Variants in PNPT1 observed in about 807,000 individuals in gnomAD.
PNPT1 encodes polyribonucleotide nucleotidyltransferase 1, mitochondrial.
Under a neutral mutation model 119.5 loss-of-function variants are expected in PNPT1, and 53 were observed. The ratio of observed to expected loss-of-function variants is 0.44; its 90% CI spans 0.36 to 0.56. The LOEUF (loss-of-function observed/expected upper bound fraction) is 0.56, where lower values mean the gene tolerates loss of function less well. Among genes scored for constraint, PNPT1 ranks in the 20% least tolerant of loss-of-function variants. The pLI is 0.00. For missense variants in PNPT1, 948 were observed against 938.5 expected (o/e 1.01, Z -0.13); for synonymous variants, 357 against 322.1 (o/e 1.11, Z -1.16).
intron 13 of PNPT1, among the ~76,000 whole-genome samples, chr2:55,663,199 C>T (rs1696634534): frequency 6.6e-6 from 1 of 152,050 alleles, no homozygotes; most frequent in South Asian, 2.1e-4. Flanking sequence ...AGATTTTTAA[C>T]AGCTATTATA....
At chr2:55,683,715 A>C in intron 5 of PNPT1, 70 bp downstream of exon 5, 1 of 1,378,866 alleles carries the variant, frequency 7.3e-7, no homozygotes, top group Non-Finnish European at 1.0e-6. Flanking sequence ...TTACTCTAGG[A>C]AATATTACAG....
intron 18 of PNPT1, among the ~76,000 whole-genome samples, chr2:55,650,559 C>T (rs1455459341): frequency 2.6e-5 from 4 of 152,042 alleles, no homozygotes; most frequent in African/African-American, 4.8e-5. Context: ...TCTGCCCGGC[C>T]GCCACCCCGT....
chr2:55,683,690 T>G (rs1027199543), intron 5 of PNPT1, 95 bp downstream of exon 5: 1 of 1,143,426 alleles, frequency 8.7e-7, no homozygotes, highest in Non-Finnish European at 1.2e-6. Context: ...AAAATTCTTA[T>G]GTTCTTTATA....
chr2:55,654,111 G>C (rs1435422967), intron 18 of PNPT1, among the ~76,000 whole-genome samples: 1 of 152,080 alleles, frequency 6.6e-6, no homozygotes. Flanking sequence ...ACAAAAATTA[G>C]CCAGGCGTGG....
intron 18 of PNPT1, among the ~76,000 whole-genome samples, chr2:55,654,081 A>AC (rs1222763783): frequency 6.6e-6 from 1 of 151,976 alleles, no homozygotes; most frequent in Non-Finnish European, 1.5e-5. Context: ...ATATGGTGAA[A>AC]CCCCGTCTCG....
intron 8 of PNPT1, 54 bp downstream of exon 8, chr2:55,679,628 A>G (rs1225165246): frequency 1.5e-6 from 2 of 1,295,514 alleles, no homozygotes; most frequent in East Asian, 2.3e-5. Flanking sequence ...CAGTTTAAGA[A>G]GCCAGAACTT....
At position 55,661,963 on chromosome 2, in the gene PNPT1, C is replaced by T. The variant is rs1696591927; in HGVS notation, c.1240G>A (p.Ala414Thr). ...SGIKSDQVITAINGIKDKNFM... is the reference protein window; with the variant it reads ...SGIKSDQVITTINGIKDKNFM... Reference sequence around the variant, plus strand: ...CTTAAAAACATAACTTACTTTATAGCTGTTATAACTTGATCTGACTTAATA... The same window carrying T: ...CTTAAAAACATAACTTACTTTATAGTTGTTATAACTTGATCTGACTTAATA... Residue 414 changes from alanine (A) to threonine (T), a missense_variant, in exon 14 of 28, where the codon GCT becomes ACT. By Grantham distance (58) the Ala-to-Thr change is moderately conservative. Coordinates refer to ENST00000447944, the MANE Select transcript of PNPT1 (RefSeq NM_033109.5). The T allele has an allele frequency of 1.3e-6, 2 of 1,564,784 alleles. No homozygotes were observed. The highest frequency in any genetic ancestry group is 2.8e-5 in the African/African-American group (2 of 71,982).
Position 55,637,583 on chromosome 2 carries a change from G to C in PNPT1, c.2165C>G (p.Ala722Gly). The C allele has an allele frequency of 6.2e-7, 1 of 1,604,568 alleles. No individual in the cohort carries two copies. ...LDQRKIKHPT[A>G]LGLEVGQEIQ... ...TTCTTGGCCAACTTCTAATCCTAGG[G>C]CAGTAGGATGTTTAATCTGGAAAAA... Residue 722 changes from alanine to glycine, a missense_variant, in exon 27 of 28, where the codon GCC becomes GGC. Transcript: ENST00000447944.
chr2:55,650,200 T>C (rs1306392270), intron 18 of PNPT1, among the ~76,000 whole-genome samples: 7 of 152,110 alleles, frequency 4.6e-5, no homozygotes, highest in Non-Finnish European at 1.5e-5. Flanking sequence ...CCTCTCTCCA[T>C]GGTTTCCCTC....
chr2:55,673,172 G>T, intron 8 of PNPT1, 93 bp from the exon 9 acceptor site: 2 of 1,017,356 alleles, frequency 2.0e-6, no homozygotes, highest in African/African-American at 1.7e-5. Context: ...TAAATATTAT[G>T]GATCAATTTT....
chr2:55,647,125 T>C (rs1302116914), intron 19 of PNPT1, among the ~76,000 whole-genome samples: 2 of 152,120 alleles, frequency 1.3e-5, no homozygotes, highest in Admixed American at 6.6e-5. Context: ...TTACTATTAA[T>C]ATAATATCTA....
chr2:55,656,822 T>C (rs1192439854), intron 15 of PNPT1, among the ~76,000 whole-genome samples: 1 of 152,180 alleles, frequency 6.6e-6, no homozygotes, highest in African/African-American at 2.4e-5. Flanking sequence ...CTTTTTCAGA[T>C]ATGAAACAAA....
At chr2:55,643,128 T>A (rs1695884812) in intron 25 of PNPT1, 30 bp downstream of exon 25, 3 of 1,611,048 alleles carry the variant, frequency 1.9e-6, no homozygotes, top group Non-Finnish European at 2.5e-6. Flanking sequence ...GAAAGGAAAA[T>A]GCTCAGCATA....
chr2:55,635,008 G>C lies in PNPT1; in HGVS notation c.*1229C>G, dbSNP rs1328085931. 1 of 152,126 alleles carries C rather than the reference G, an allele frequency of 6.6e-6. No homozygotes were observed. The highest frequency in any genetic ancestry group is 6.5e-5 in the Admixed American group (1 of 15,270). 9.4% of individuals were successfully genotyped at this position (152,126 alleles called of 1,614,324 possible). ...GGGCTCTAGTGACCTTCCCACTTCA[G>C]CCTTCCAAGTAGCTGGGACTACAGG... On this transcript the variant is annotated 3_prime_UTR_variant, in exon 28 of 28. Transcript: ENST00000447944.
chr2:55,647,968 T>C (rs1696052884), intron 18 of PNPT1, among the ~76,000 whole-genome samples: 1 of 152,234 alleles, frequency 6.6e-6, no homozygotes, highest in Non-Finnish European at 1.5e-5. Context: ...ACAAGTACTA[T>C]ATCCAGCAAA....
At position 55,687,713 on chromosome 2, in the gene PNPT1, A is replaced by G. The variant is rs1697458056; in HGVS notation, c.162-8T>C. On this transcript the variant is annotated splice_polypyrimidine_tract_variant and splice_region_variant and intron_variant, in intron 1 of 27. Transcript: ENST00000447944. ...GAAGATATTTCTAATTTCCTGTTTA[A>G]AAATAAAAATGCAATACAAGAAGAC... 1 of 1,593,620 alleles carries G rather than the reference A, an allele frequency of 6.3e-7. No individual in the cohort carries two copies. Among genetic ancestry groups the G allele is most frequent in the Non-Finnish European group, 8.5e-7 (1 of 1,170,320 alleles).
chr2:55,665,826 T>C (rs921278620), intron 13 of PNPT1, among the ~76,000 whole-genome samples: 1 of 152,080 alleles, frequency 6.6e-6, no homozygotes, highest in Admixed American at 6.6e-5. Context: ...AAGAAACAAT[T>C]AATGTGGGAA....
chr2:55,656,341 T>C lies in PNPT1; in HGVS notation c.1315A>G (p.Lys439Glu), dbSNP rs1427721832. Residue 439 changes from lysine (K) to glutamate (E), a missense_variant, in exon 16 of 28, where the codon AAA becomes GAA. Coordinates refer to ENST00000447944, the MANE Select transcript of PNPT1 (RefSeq NM_033109.5). ...TCTCTTCTATTTAAACCAGTGACTTTGCCAATTTCATTAGTTGCATAAGGA... is the reference window on the plus strand; with the variant it reads ...TCTCTTCTATTTAAACCAGTGACTTCGCCAATTTCATTAGTTGCATAAGGA... ...FPPYATNEIGKVTGLNRRELG... is the reference protein window; with the variant it reads ...FPPYATNEIGEVTGLNRRELG... 6.2e-7 allele frequency: 1 copy of C among 1,610,148 alleles called. No individual in the cohort carries two copies. Among genetic ancestry groups the C allele is most frequent in the African/African-American group, 1.3e-5 (1 of 74,628 alleles).
intron 13 of PNPT1, among the ~76,000 whole-genome samples, 161 bp downstream of exon 13, chr2:55,666,830 G>C (rs1696746302): frequency 6.6e-6 from 1 of 152,106 alleles, no homozygotes; most frequent in Admixed American, 6.6e-5. Flanking sequence ...TGACAAACAA[G>C]AACCTGTCTC....
Sources: gnomAD v4.1 joint callset for allele counts (sites outside exome capture counted in the v4.1 genomes callset) on GRCh38, gnomAD v4.1.1 for gene constraint, MANE v1.5 for transcripts, NCBI Gene and HGNC (gene_info 2026-07-23, HGNC 2026-07-21) for gene names.